PRDM1: variants seen among roughly 807,000 people sequenced by gnomAD.
The protein encoded by PRDM1 is PR domain zinc finger protein 1.
Under a neutral mutation model 62.8 loss-of-function variants are expected in PRDM1, and 13 were observed. The ratio of observed to expected loss-of-function variants is 0.21; its 90% confidence interval spans 0.13 to 0.33. The LOEUF (loss-of-function observed/expected upper bound fraction) is 0.33. Ranked by LOEUF, PRDM1 falls within the 10% of genes least tolerant of loss-of-function variation. The pLI is 1.00. For missense variants in PRDM1, 895 were observed against 1,058.8 expected (o/e 0.85, Z 2.15); for synonymous variants, 396 against 417.6 (o/e 0.95, Z 0.63).
upstream of PRDM1, among the ~76,000 whole-genome samples, chr6:106,083,531 A>G (rs565726611): frequency 6.6e-6 from 1 of 152,302 alleles, no homozygotes; most frequent in Non-Finnish European, 1.5e-5. Flanking sequence ...CAATCCACCC[A>G]GGAACTGGGA....
chr6:106,032,053 G>A (rs940451112), intron 1 of PRDM1, among the ~76,000 whole-genome samples: 1 of 152,090 alleles, frequency 6.6e-6, no homozygotes, highest in Non-Finnish European at 1.5e-5. Flanking sequence ...TTACCCACAG[G>A]TAGAGTCTCA....
chr6:106,018,774 C>T (rs1346733528), intron 1 of PRDM1, among the ~76,000 whole-genome samples: 2 of 152,000 alleles, frequency 1.3e-5, no homozygotes, highest in South Asian at 2.1e-4. Context: ...TCACTGTCGA[C>T]GTTAACCTGG....
chr6:106,061,009 T>C (rs971804648), intron 1 of PRDM1, among the ~76,000 whole-genome samples: 4 of 152,020 alleles, frequency 2.6e-5, no homozygotes, highest in African/African-American at 7.3e-5. Flanking sequence ...GGGATTGGGA[T>C]TGGGGGAAAT....
intron 4 of PRDM1, 77 bp downstream of exon 4, chr6:106,099,629 T>C (rs1418921626): frequency 2.6e-6 from 4 of 1,555,222 alleles, no homozygotes; most frequent in Non-Finnish European, 3.5e-6. Context: ...TAACATGTTG[T>C]TTAATTATAC....
intron 1 of PRDM1, among the ~76,000 whole-genome samples, chr6:106,057,020 T>G (rs1487580738): frequency 1.3e-5 from 2 of 152,226 alleles, no homozygotes; most frequent in Non-Finnish European, 2.9e-5. Context: ...CAGAAAGGGT[T>G]CATCAGAAAT....
chr6:106,091,082 G>A (rs1773947848), intron 2 of PRDM1, among the ~76,000 whole-genome samples: 1 of 152,116 alleles, frequency 6.6e-6, no homozygotes, highest in African/African-American at 2.4e-5. Context: ...TTTTATGGGG[G>A]TTTTCCCCTT....
chr6:105,996,123 C>T, intron 1 of PRDM1, among the ~76,000 whole-genome samples: 1 of 152,084 alleles, frequency 6.6e-6, no homozygotes, highest in East Asian at 1.9e-4. Context: ...ATAACATATT[C>T]CTGATCAGAT....
At chr6:106,055,712 C>T (rs968870884) in intron 1 of PRDM1, among the ~76,000 whole-genome samples, 7 of 152,180 alleles carry the variant, frequency 4.6e-5, no homozygotes, top group African/African-American at 1.7e-4. Flanking sequence ...ACCAATTGAA[C>T]ATTTTATTGC....
Position 106,053,488 on chromosome 6 carries a change from A to G in PRDM1, c.-67+4774A>G, listed in dbSNP as rs552807179. ...AGTTGAGACCCCAATTTAGAAATAC[A>G]TAAGTATTCTATTGTATCTATTATG... is the stretch of plus-strand genomic sequence containing the variant. On this transcript the variant is annotated intron_variant, in intron 1 of 6. Transcript: ENST00000651185. 5.9e-5 allele frequency among the ~76,000 whole-genome samples: 9 copies of G among 152,304 alleles called. 1 individual carries two copies. The South Asian group carries it at 6.2e-4, about 11-fold the overall frequency.
intron 1 of PRDM1, among the ~76,000 whole-genome samples, chr6:106,052,227 A>G (rs1209468335): frequency 8.4e-5 from 4 of 47,370 alleles, no homozygotes; most frequent in Non-Finnish European, 1.8e-4. Flanking sequence ...CATATTTGTC[A>G]TAAGATATAC....
At chr6:106,079,697 C>T (rs561266157) in intron 1 of PRDM1, among the ~76,000 whole-genome samples, 3 of 152,298 alleles carry the variant, frequency 2.0e-5, no homozygotes, top group South Asian at 4.1e-4. Flanking sequence ...ACTCTGGAGG[C>T]TGAGGCACAA....
At chr6:106,051,052 A>AT in intron 1 of PRDM1, among the ~76,000 whole-genome samples, 1 of 26,230 alleles carries the variant, frequency 3.8e-5, no homozygotes, top group East Asian at 6.4e-4. Context: ...CATTAAAATA[A>AT]AAAAAATTAC....
Position 106,086,456 on chromosome 6 carries a change from C to G in PRDM1, c.-98C>G. 7.1e-6 allele frequency: 9 copies of G among 1,262,370 alleles called. No individual in the cohort carries two copies. Among genetic ancestry groups the G allele is most frequent in the Non-Finnish European group, 1.0e-5 (9 of 902,474 alleles). 78.2% of individuals were successfully genotyped at this position (1,262,370 alleles called of 1,614,324 possible). On this transcript the variant is annotated 5_prime_UTR_variant, in exon 1 of 7. Transcript: ENST00000369096. The stretch of plus-strand genomic sequence containing the variant: ...CGGGCGCCCGGGCGGCCGGACGAAG[C>G]GAGGAGGGACCGCCGAGGTGCGCGT...
At chr6:105,999,634 C>CACTG (rs1772404352) in intron 1 of PRDM1, among the ~76,000 whole-genome samples, 2 of 152,230 alleles carry the variant, frequency 1.3e-5, no homozygotes, top group South Asian at 4.2e-4. Flanking sequence ...GCCCTCCTTG[C>CACTG]ACTGGCTCAG....
intron 1 of PRDM1, among the ~76,000 whole-genome samples, chr6:106,052,358 T>C (rs1352661183): frequency 6.6e-6 from 1 of 152,184 alleles, no homozygotes; most frequent in East Asian, 1.9e-4. Flanking sequence ...TTTTTTTTAC[T>C]CTATGGAAGA....
At chr6:106,039,308 GTATATGGATTT>G (rs1562150384) in intron 1 of PRDM1, among the ~76,000 whole-genome samples, 1 of 152,138 alleles carries the variant, frequency 6.6e-6, no homozygotes, top group African/African-American at 2.4e-5. Context: ...GCCTTTTTGT[GTATATGGATTT>G]TATTAAATCC....
intron 1 of PRDM1, among the ~76,000 whole-genome samples, chr6:106,017,742 G>C (rs1341860013): frequency 6.6e-6 from 1 of 152,164 alleles, no homozygotes; most frequent in Non-Finnish European, 1.5e-5. Context: ...GGACCCTGAA[G>C]GATGTTGATT....
intron 1 of PRDM1, among the ~76,000 whole-genome samples, chr6:105,998,340 C>CT (rs1772375142): frequency 6.6e-6 from 1 of 151,914 alleles, no homozygotes; most frequent in Non-Finnish European, 1.5e-5. Flanking sequence ...TTGTTTGAGC[C>CT]TAGGAGTTCA....
intron 3 of PRDM1, chr6:106,098,363 C>T: frequency 2.0e-6 from 2 of 985,262 alleles, no homozygotes; most frequent in Admixed American, 6.1e-5. Context: ...TTTCTTCTTC[C>T]TCTGCCTCTT....
Sources: gnomAD v4.1 joint callset for allele counts (sites outside exome capture counted in the v4.1 genomes callset) on GRCh38, gnomAD v4.1.1 for gene constraint, MANE v1.5 for transcripts, NCBI Gene and HGNC (gene_info 2026-07-23, HGNC 2026-07-21) for gene names.